Variants in MYCBP2 observed in about 807,000 individuals in gnomAD.
MYCBP2 encodes E3 ubiquitin-protein ligase MYCBP2.
A neutral mutation model predicts 525.3 loss-of-function variants in MYCBP2; 120 were observed. The ratio of observed to expected loss-of-function variants is 0.23; its 90% CI spans 0.20 to 0.27. MYCBP2 has a LOEUF of 0.27. Ranked by LOEUF, MYCBP2 falls within the 10% of genes least tolerant of loss-of-function variation. The probability of loss-of-function intolerance (pLI) is 1.00; values close to 1 mark genes in which losing one functional copy is unlikely to be tolerated. For missense variants in MYCBP2, 4,149 were observed against 5,657.1 expected, an observed-to-expected ratio of 0.73 and a Z score of 8.55; for synonymous variants, 1,894 against 1,955.8, an observed-to-expected ratio of 0.97 and a Z score of 0.83.
chr13:77,219,370 A>C (rs2065237439), intron 20 of MYCBP2, among the ~76,000 whole-genome samples: 1 of 152,090 alleles, frequency 6.6e-6, no homozygotes, highest in African/African-American at 2.4e-5. Flanking sequence ...GAGTCAGAGA[A>C]TACACAAAGT....
At chr13:77,306,886 G>A (rs2092174442) in intron 1 of MYCBP2, among the ~76,000 whole-genome samples, 1 of 152,038 alleles carries the variant, frequency 6.6e-6, no homozygotes, top group Non-Finnish European at 1.5e-5. Flanking sequence ...TTTTCGGAAA[G>A]ATTGCAACAA....
intron 55 of MYCBP2, chr13:77,103,273 A>T (rs1391392185): frequency 1.0e-5 from 4 of 397,704 alleles, no homozygotes; most frequent in Non-Finnish European, 1.8e-5. Context: ...AATTTTTGTA[A>T]ATGCGCTCAC....
rs188048647 is a variant in MYCBP2, at chr13:77,238,136, G to C, written c.2630-4873C>G. ...TGAACGCCTGCAGTCCCAGCTACTC[G>C]GGAGGCTGAGGCAGAAGAGTGGTGT... On this transcript the variant is annotated intron_variant, in intron 17 of 82. Coordinates refer to ENST00000544440, the MANE Select transcript of MYCBP2 (RefSeq NM_015057.5). 1.8e-3 allele frequency among the ~76,000 whole-genome samples: 272 copies of C among 151,722 alleles called. 1 individual carries two copies. The highest frequency in any genetic ancestry group is 2.9e-3 in the Non-Finnish European group (194 of 67,896).
At position 77,196,577 on chromosome 13, in the gene MYCBP2, T is replaced by C. The variant is rs191842244; in HGVS notation, c.3844-2333A>G. Among the ~76,000 whole-genome samples the C allele has an allele frequency of 1.5e-3, 227 of 152,292 alleles. 1 individual carries two copies. Among genetic ancestry groups the C allele is most frequent in the African/African-American group, 5.2e-3 (217 of 41,564 alleles). On this transcript the variant is annotated intron_variant, in intron 26 of 82. Transcript: ENST00000544440. Reference sequence around the variant, plus strand: ...TTTATTTTGAAAGTGGAAACGATAATATTTGCTCCCGAAGTGGATGTGTGT... The same window carrying C: ...TTTATTTTGAAAGTGGAAACGATAACATTTGCTCCCGAAGTGGATGTGTGT...
chr13:77,248,680 T>C (rs528928215), intron 15 of MYCBP2, among the ~76,000 whole-genome samples: 54 of 152,124 alleles, frequency 3.5e-4, no homozygotes, highest in Middle Eastern at 3.4e-3. Context: ...GTAAAATGGT[T>C]GGCCGCTGTG....
At chr13:77,078,940 C>T (rs2042813587) in intron 65 of MYCBP2, 51 bp from the exon 66 acceptor site, 2 of 1,468,080 alleles carry the variant, frequency 1.4e-6, no homozygotes, top group Non-Finnish European at 1.9e-6. Flanking sequence ...TGCTTCAGAA[C>T]TTACAATGGT....
chr13:77,233,732 C>T (rs2067462265), intron 17 of MYCBP2, among the ~76,000 whole-genome samples: 1 of 151,898 alleles, frequency 6.6e-6, no homozygotes, highest in African/African-American at 2.4e-5. Context: ...TTGTATTAAT[C>T]TTGCTACAAA....
intron 55 of MYCBP2, among the ~76,000 whole-genome samples, chr13:77,117,883 T>C (rs559958342): frequency 8.5e-4 from 130 of 152,158 alleles, no homozygotes; most frequent in African/African-American, 3.0e-3. Flanking sequence ...ATTTAACATA[T>C]TAGGAACAAC....
chr13:77,071,924 G>C (rs948100137), intron 68 of MYCBP2, among the ~76,000 whole-genome samples: 4 of 152,106 alleles, frequency 2.6e-5, no homozygotes, highest in Non-Finnish European at 4.4e-5. Flanking sequence ...ATAATATAAA[G>C]CTAACAGGAA....
chr13:77,089,071 T>C (rs2044876097), intron 60 of MYCBP2, 40 bp from the exon 61 acceptor site: 1 of 1,410,778 alleles, frequency 7.1e-7, no homozygotes, highest in African/African-American at 1.5e-5. Flanking sequence ...TCATAGGCAG[T>C]GCATATATAT....
At chr13:77,056,960 T>C (rs1175245212) in intron 79 of MYCBP2, 26 bp downstream of exon 79, 2 of 1,493,348 alleles carry the variant, frequency 1.3e-6, no homozygotes, top group South Asian at 1.1e-5. Context: ...AAAAAGAAAG[T>C]ACATGATTTC....
intron 17 of MYCBP2, among the ~76,000 whole-genome samples, chr13:77,240,498 C>T (rs1427051326): frequency 6.6e-6 from 1 of 152,128 alleles, no homozygotes; most frequent in Admixed American, 6.5e-5. Flanking sequence ...GTCCCAGCTA[C>T]TCAAGAGGCT....
chr13:77,284,624 G>T (rs2154355674), intron 3 of MYCBP2, among the ~76,000 whole-genome samples: 1 of 152,228 alleles, frequency 6.6e-6, no homozygotes, highest in Middle Eastern at 3.4e-3. Flanking sequence ...TTCTCTAGAA[G>T]TTTCATTTGC....
At chr13:77,096,233 T>C (rs1408162446) in intron 57 of MYCBP2, 79 bp downstream of exon 57, 5 of 1,330,812 alleles carry the variant, frequency 3.8e-6, no homozygotes, top group South Asian at 3.3e-5. Flanking sequence ...AATTATCTGA[T>C]GTAGTAAGAT....
chr13:77,125,668 T>C (rs1369728762), intron 53 of MYCBP2, among the ~76,000 whole-genome samples, 200 bp from the exon 54 acceptor site: 4 of 152,222 alleles, frequency 2.6e-5, no homozygotes, highest in Non-Finnish European at 5.9e-5. Context: ...TGCTTATTTA[T>C]GAATTTGGTT....
In MYCBP2 at chr13:77,294,131, C is replaced by CATATATATACAT. The variant is rs2077886474; in HGVS notation, c.378+2467_378+2468insATGTATATATAT. Among the ~76,000 whole-genome samples, 9 of 65,692 alleles carry CATATATATACAT rather than the reference C, an allele frequency of 1.4e-4. 2 individuals are homozygous for CATATATATACAT. Among genetic ancestry groups the CATATATATACAT allele is most frequent in the Non-Finnish European group, 6.0e-5 (2 of 33,408 alleles). The allele number at this position is 65,692 out of a possible 152,430, so 43.1% of individuals were successfully genotyped here. Reference sequence around the variant, plus strand: ...ATATATATATATATATATATATATACATATATATATACATATATATAAAAT... The same window carrying CATATATATACAT: ...ATATATATATATATATATATATATACATATATATACATATATATATATACATATATATAAAAT... On this transcript the variant is annotated intron_variant, in intron 2 of 82. Transcript: ENST00000544440.
intron 49 of MYCBP2, among the ~76,000 whole-genome samples, chr13:77,141,249 T>C (rs968308817): frequency 3.9e-5 from 6 of 152,078 alleles, no homozygotes; most frequent in Admixed American, 2.0e-4. Context: ...GAGAATTAAA[T>C]CTTATCTGAC....
At chr13:77,249,439 TA>T (rs1180214632) in intron 15 of MYCBP2, among the ~76,000 whole-genome samples, 1 of 152,236 alleles carries the variant, frequency 6.6e-6, no homozygotes. Context: ...ATAAATTATG[TA>T]AGTCTCTGGA....
At chr13:77,319,938 C>T (rs371548762) in intron 1 of MYCBP2, among the ~76,000 whole-genome samples, 6 of 152,234 alleles carry the variant, frequency 3.9e-5, no homozygotes, top group East Asian at 1.9e-4. Flanking sequence ...ATGTGCACAC[C>T]GGAAGTTTAT....
Sources: gnomAD v4.1 joint callset for allele counts (sites outside exome capture counted in the v4.1 genomes callset) on GRCh38, gnomAD v4.1.1 for gene constraint, MANE v1.5 for transcripts, NCBI Gene and HGNC (gene_info 2026-07-23, HGNC 2026-07-21) for gene names.